The following CDK6 variants were observed in gnomAD, a reference collection of about 807,000 sequenced individuals.
CDK6 encodes cyclin dependent kinase 6, also known as cyclin-dependent kinase 6.
Under a neutral mutation model 37.1 loss-of-function variants are expected in CDK6, and 6 were observed. The observed-to-expected ratio is 0.16, with a 90% CI of 0.09 to 0.32. The LOEUF (loss-of-function observed/expected upper bound fraction) is 0.32. Among genes scored for constraint, CDK6 ranks in the 10% least tolerant of loss-of-function variants. CDK6 has a pLI of 1.00. For missense variants in CDK6, 224 were observed against 418.9 expected (o/e 0.53, Z 4.06); for synonymous variants, 160 against 161.3 (o/e 0.99, Z 0.06).
chr7:92,607,837 G>A lies in CDK6; in HGVS notation c.*7303C>T, dbSNP rs1029779284. 4.3e-6 allele frequency: 1 copy of A among 232,910 alleles called. No individual in the cohort carries two copies. The highest frequency in any genetic ancestry group is 5.6e-5 in the Admixed American group (1 of 17,752). The allele number at this position is 232,910 out of a possible 1,614,324, so 14.4% of individuals were successfully genotyped here. On this transcript the variant is annotated 3_prime_UTR_variant, in exon 8 of 8. Coordinates refer to ENST00000424848, the MANE Select transcript of CDK6 (RefSeq NM_001145306.2). ...GGAAAACAAATGAATAAAAAGTGAG[G>A]AACTATGATATACATGTGTATATTT...
At chr7:92,702,301 C>T (rs1404551243) in intron 4 of CDK6, among the ~76,000 whole-genome samples, 3 of 119,606 alleles carry the variant, frequency 2.5e-5, no homozygotes, top group South Asian at 2.9e-4. Context: ...GGCATGATCT[C>T]GGCTCACTTC....
chr7:92,742,261 A>C (rs992334075), intron 3 of CDK6, among the ~76,000 whole-genome samples: 10 of 152,250 alleles, frequency 6.6e-5, no homozygotes, highest in African/African-American at 2.4e-4. Context: ...GTTTCTTTTG[A>C]AATAGAAATT....
intron 5 of CDK6, among the ~76,000 whole-genome samples, chr7:92,657,445 A>T (rs534768983): frequency 1.8e-4 from 28 of 152,322 alleles, no homozygotes; most frequent in African/African-American, 4.8e-4. Context: ...TCATAACTCA[A>T]TATACATTAT....
chr7:92,638,671 G>A (rs1017203808), intron 5 of CDK6, among the ~76,000 whole-genome samples: 2 of 152,106 alleles, frequency 1.3e-5, no homozygotes, highest in African/African-American at 4.8e-5. Flanking sequence ...TCCAGAGTGG[G>A]TTCCTTGAAT....
At chr7:92,683,492 C>A (rs1490540620) in intron 4 of CDK6, among the ~76,000 whole-genome samples, 1 of 152,200 alleles carries the variant, frequency 6.6e-6, no homozygotes, top group Non-Finnish European at 1.5e-5. Context: ...ATTCCATGAG[C>A]ACTGCCTTCC....
chr7:92,831,230 T>C (rs747030879), intron 2 of CDK6, among the ~76,000 whole-genome samples: 18 of 152,134 alleles, frequency 1.2e-4, no homozygotes, highest in Non-Finnish European at 2.1e-4. Flanking sequence ...ATCAAGAGAA[T>C]AGGATGGATC....
At chr7:92,828,462 T>G (rs1010827515) in intron 2 of CDK6, among the ~76,000 whole-genome samples, 8 of 152,206 alleles carry the variant, frequency 5.3e-5, no homozygotes, top group Non-Finnish European at 8.8e-5. Flanking sequence ...ACAAGTAGCT[T>G]GACCTCCAGA....
chr7:92,712,736 G>A (rs75058891), intron 4 of CDK6, among the ~76,000 whole-genome samples: 5,046 of 152,162 alleles, frequency 0.033, 285 homozygotes, highest in African/African-American at 0.12. Flanking sequence ...CTTAAATATT[G>A]TGCTACATTT....
chr7:92,636,727 G>A (rs557941399), intron 5 of CDK6, among the ~76,000 whole-genome samples: 110 of 152,198 alleles, frequency 7.2e-4, no homozygotes, highest in Non-Finnish European at 1.4e-3. Flanking sequence ...GTGCAGTGGC[G>A]CAATCTTGGC....
intron 5 of CDK6, among the ~76,000 whole-genome samples, chr7:92,659,668 G>T (rs184068975): frequency 4.6e-5 from 7 of 151,702 alleles, no homozygotes; most frequent in African/African-American, 1.7e-4. Flanking sequence ...TTCATAATAA[G>T]GAAGAAGTGG....
intron 5 of CDK6, among the ~76,000 whole-genome samples, chr7:92,657,207 T>A (rs1024446056): frequency 2.6e-5 from 4 of 152,194 alleles, no homozygotes; most frequent in African/African-American, 9.7e-5. Context: ...AATATTTTCA[T>A]CTGACTCAAT....
intron 4 of CDK6, among the ~76,000 whole-genome samples, chr7:92,681,163 G>A (rs1797327149): frequency 6.6e-6 from 1 of 152,144 alleles, no homozygotes; most frequent in South Asian, 2.1e-4. Flanking sequence ...CTTTAACAGA[G>A]GAAATGATCC....
chr7:92,761,600 T>C (rs1321895987), intron 3 of CDK6, among the ~76,000 whole-genome samples: 1 of 152,218 alleles, frequency 6.6e-6, no homozygotes, highest in Non-Finnish European at 1.5e-5. Flanking sequence ...AATGTGTGCC[T>C]TTGTTTAGAG....
intron 3 of CDK6, among the ~76,000 whole-genome samples, chr7:92,730,049 C>G (rs1371580915): frequency 6.6e-6 from 1 of 152,176 alleles, no homozygotes; most frequent in Non-Finnish European, 1.5e-5. Context: ...TGGCCTGGGC[C>G]TTATTTTCTC....
chr7:92,609,559 T>G lies in CDK6; in HGVS notation c.*5581A>C, dbSNP rs1795516113. On this transcript the variant is annotated 3_prime_UTR_variant, in exon 8 of 8. Coordinates refer to ENST00000424848, the MANE Select transcript of CDK6 (RefSeq NM_001145306.2). Reference sequence around the variant, plus strand: ...CAATTTTTCAGACAAAAGTTTTGTCTACTGAATTACTGATGTGCTACTCAT... The same window carrying G: ...CAATTTTTCAGACAAAAGTTTTGTCGACTGAATTACTGATGTGCTACTCAT... 4.4e-6 allele frequency: 1 copy of G among 229,590 alleles called. No individual in the cohort carries two copies. The highest frequency in any genetic ancestry group is 1.8e-4 in the South Asian group (1 of 5,514). The allele number at this position is 229,590 out of a possible 1,614,324, so 14.2% of individuals were successfully genotyped here.
At chr7:92,769,330 T>C (rs1305939730) in intron 3 of CDK6, among the ~76,000 whole-genome samples, 1 of 152,138 alleles carries the variant, frequency 6.6e-6, no homozygotes. Flanking sequence ...AATTCATTTA[T>C]CATAAAGATA....
intron 5 of CDK6, among the ~76,000 whole-genome samples, chr7:92,632,933 CTTTTT>C (rs397889657): frequency 1.3e-3 from 143 of 108,870 alleles, no homozygotes; most frequent in African/African-American, 2.6e-3. Context: ...CTCTAAAGAT[CTTTTT>C]TTTTTTTTTT....
chr7:92,761,190 G>A (rs1399778675), intron 3 of CDK6, among the ~76,000 whole-genome samples: 2 of 151,744 alleles, frequency 1.3e-5, no homozygotes, highest in Non-Finnish European at 2.9e-5. Context: ...CATTTCCTTT[G>A]CGATATTTTC....
Position 92,833,043 on chromosome 7 carries a change from CCG to C in CDK6, c.233+46_233+47del, listed in dbSNP as rs1018469586. ...CTGAGGATTCCCGGCTCGGCCCTCC[CCG>C]CGCGCGCGAGGCCCCAGATGGCGAG... On this transcript the variant is annotated intron_variant, in intron 2 of 7. Coordinates refer to ENST00000424848, the MANE Select transcript of CDK6 (RefSeq NM_001145306.2). The surrounding 1 kb of genome is among the most constrained non-coding windows in gnomAD (Gnocchi z 6.1). The C allele has an allele frequency of 2.2e-6, 3 of 1,390,358 alleles. No homozygotes were observed. Among genetic ancestry groups the C allele is most frequent in the Non-Finnish European group, 2.9e-6 (3 of 1,022,908 alleles). The allele number at this position is 1,390,358 out of a possible 1,614,324, so 86.1% of individuals were successfully genotyped here.
Sources: gnomAD v4.1 joint callset for allele counts (sites outside exome capture counted in the v4.1 genomes callset) on GRCh38, gnomAD v4.1.1 for gene constraint, Gnocchi (gnomAD v3.1) non-coding constraint, MANE v1.5 for transcripts, NCBI Gene and HGNC (gene_info 2026-07-23, HGNC 2026-07-21) for gene names.